CSMD3: variants seen among roughly 807,000 people sequenced by gnomAD.
The protein encoded by CSMD3 is CUB and sushi domain-containing protein 3.
A neutral mutation model predicts 435.2 loss-of-function variants in CSMD3; 177 were observed. The ratio of observed to expected loss-of-function variants is 0.41; its 90% CI spans 0.36 to 0.46. The LOEUF is 0.46. Among genes scored for constraint, CSMD3 ranks in the 20% least tolerant of loss-of-function variants. The pLI is 0.34. For synonymous variants in CSMD3, 1,656 were observed against 1,520.5 expected (o/e 1.09, Z -2.07); for missense variants, 4,265 against 4,504.6 (o/e 0.95, Z 1.52).
intron 25 of CSMD3, 61 bp downstream of exon 25, chr8:112,556,702 G>T (rs2131222885): frequency 2.2e-6 from 3 of 1,368,508 alleles, no homozygotes; most frequent in Non-Finnish European, 3.1e-6. Context: ...TCTTAAAAAT[G>T]CAAAGAATTT....
At chr8:112,657,859 T>G (rs2075292702) in intron 17 of CSMD3, among the ~76,000 whole-genome samples, 2 of 152,242 alleles carry the variant, frequency 1.3e-5, no homozygotes, top group South Asian at 4.1e-4. Flanking sequence ...CACAATTTAC[T>G]GTGGCTTTTG....
At chr8:113,077,323 A>T (rs765186443) in intron 5 of CSMD3, among the ~76,000 whole-genome samples, 1 of 151,946 alleles carries the variant, frequency 6.6e-6, no homozygotes, top group Non-Finnish European at 1.5e-5. Flanking sequence ...ATGTAAAAAC[A>T]CTCTAAAAAG....
chr8:112,244,644 A>G, intron 64 of CSMD3, 71 bp from the exon 65 acceptor site: 4 of 1,169,690 alleles, frequency 3.4e-6, no homozygotes, highest in African/African-American at 1.5e-5. Flanking sequence ...CAGGAGTCAC[A>G]ATATATTTCA....
chr8:112,314,646 G>A (rs185049663), intron 47 of CSMD3, 29 bp from the exon 48 acceptor site: 56 of 1,536,674 alleles, frequency 3.6e-5, no homozygotes, highest in East Asian at 2.3e-5. Context: ...ATTAAATAAT[G>A]CCAGTCTTTT....
intron 67 of CSMD3, among the ~76,000 whole-genome samples, chr8:112,235,544 T>C (rs369756548): frequency 2.6e-5 from 4 of 151,898 alleles, no homozygotes; most frequent in African/African-American, 7.3e-5. Flanking sequence ...CAATGATTTT[T>C]ACATGGTAAG....
At chr8:113,289,437 G>T (rs2093669161) in intron 2 of CSMD3, among the ~76,000 whole-genome samples, 2 of 151,332 alleles carry the variant, frequency 1.3e-5, no homozygotes. Context: ...TTTGGATGTA[G>T]AATTAGTAAA....
intron 5 of CSMD3, among the ~76,000 whole-genome samples, chr8:113,071,782 A>C (rs978389340): frequency 6.6e-6 from 1 of 151,808 alleles, no homozygotes; most frequent in Admixed American, 6.6e-5. Context: ...TTTCAAACTA[A>C]TTCTTTGAAG....
At chr8:112,386,645 C>G (rs1341496464) in intron 36 of CSMD3, among the ~76,000 whole-genome samples, 2 of 151,900 alleles carry the variant, frequency 1.3e-5, no homozygotes, top group Non-Finnish European at 2.9e-5. Context: ...CTACAGGCGC[C>G]CGCCACCACG....
At chr8:112,425,271 G>T (rs923376523) in intron 32 of CSMD3, among the ~76,000 whole-genome samples, 3 of 152,092 alleles carry the variant, frequency 2.0e-5, no homozygotes, top group African/African-American at 7.2e-5. Flanking sequence ...ATATCTAGAA[G>T]GTTATATTCT....
At chr8:113,376,936 G>T in intron 1 of CSMD3, 2 of 1,560,092 alleles carry the variant, frequency 1.3e-6, no homozygotes, top group Non-Finnish European at 1.7e-6. Context: ...AACGGATGAC[G>T]TGCGGGTTCA....
intron 32 of CSMD3, among the ~76,000 whole-genome samples, chr8:112,424,661 T>G (rs1812867115): frequency 6.6e-6 from 1 of 152,060 alleles, no homozygotes; most frequent in South Asian, 2.1e-4. Context: ...CATGTTCCCA[T>G]TCTTCTATTT....
At chr8:112,415,581 C>T (rs781150448) in intron 32 of CSMD3, among the ~76,000 whole-genome samples, 50 of 152,162 alleles carry the variant, frequency 3.3e-4, no homozygotes, top group Non-Finnish European at 5.3e-4. Context: ...AGAGGGCCAC[C>T]GTCCTCCAGA....
At chr8:113,116,224 CAT>C (rs1012560119) in intron 4 of CSMD3, among the ~76,000 whole-genome samples, 1 of 152,202 alleles carries the variant, frequency 6.6e-6, no homozygotes, top group Non-Finnish European at 1.5e-5. Context: ...ATAATCACCA[CAT>C]GTCATGAGAA....
At chr8:113,197,356 C>A (rs1159746238) in intron 3 of CSMD3, among the ~76,000 whole-genome samples, 2 of 150,962 alleles carry the variant, frequency 1.3e-5, no homozygotes, top group Admixed American at 6.6e-5. Context: ...TGGGCCACAT[C>A]ACCAAGACAT....
At chr8:113,206,458 T>C (rs2132054054) in intron 3 of CSMD3, among the ~76,000 whole-genome samples, 1 of 152,308 alleles carries the variant, frequency 6.6e-6, no homozygotes, top group Non-Finnish European at 1.5e-5. Context: ...TTCTATTTTT[T>C]CTATTTGTAA....
At chr8:113,174,115 G>C (rs1415529730) in intron 3 of CSMD3, among the ~76,000 whole-genome samples, 199 bp from the exon 4 acceptor site, 1 of 152,066 alleles carries the variant, frequency 6.6e-6, no homozygotes, top group Non-Finnish European at 1.5e-5. Flanking sequence ...AGGTATTATT[G>C]GTCATTCTTT....
intron 12 of CSMD3, among the ~76,000 whole-genome samples, chr8:112,825,695 T>C (rs1022101073): frequency 6.6e-6 from 1 of 152,048 alleles, no homozygotes; most frequent in African/African-American, 2.4e-5. Context: ...ACAGCAAGGA[T>C]GGGTGTCTGT....
chr8:112,271,515 G>C (rs1817533250), intron 59 of CSMD3, among the ~76,000 whole-genome samples: 1 of 152,010 alleles, frequency 6.6e-6, no homozygotes, highest in Admixed American at 6.6e-5. Context: ...ATGGAGAAAA[G>C]TACAGAAGAA....
chr8:112,967,178 GA>G (rs869253285), intron 7 of CSMD3, among the ~76,000 whole-genome samples: 2 of 92,868 alleles, frequency 2.2e-5, no homozygotes, highest in Admixed American at 2.8e-4. Flanking sequence ...TATACTCCAA[GA>G]AACTATCAAC....
Sources: gnomAD v4.1 joint callset for allele counts (sites outside exome capture counted in the v4.1 genomes callset) on GRCh38, gnomAD v4.1.1 for gene constraint, MANE v1.5 for transcripts, NCBI Gene and HGNC (gene_info 2026-07-23, HGNC 2026-07-21) for gene names.